The following PANK3 variants were observed in gnomAD, a reference collection of about 807,000 sequenced individuals.
The protein encoded by PANK3 is pantothenate kinase 3.
In PANK3, 20 loss-of-function variants were observed where a neutral mutation model predicts 39.4. That is an observed-to-expected ratio of 0.51 (90% CI 0.36 to 0.74). PANK3 has a LOEUF of 0.74. PANK3 is among the 30% of genes least tolerant of loss of function. The pLI is 0.00. For missense variants in PANK3, 265 were observed against 437.0 expected, an observed-to-expected ratio of 0.61 and a Z score of 3.51; for synonymous variants, 140 against 157.3, an observed-to-expected ratio of 0.89 and a Z score of 0.82.
chr5:168,568,670 G>A lies in PANK3; in HGVS notation c.357C>T (p.Tyr119=), dbSNP rs1759573196. Residue 119 remains tyrosine, a synonymous_variant, in exon 2 of 7, where the codon TAC becomes TAT. Coordinates refer to ENST00000239231, the MANE Select transcript of PANK3 (RefSeq NM_024594.4). ...TVLCATGGGA[Y]KFEKDFRTIG... ...CTGTGCGAAAATCTTTTTCAAACTT[G>A]TAAGCACCACCTCCTGTAGCACATA... 6.2e-7 allele frequency: 1 copy of A among 1,608,228 alleles called. No individual in the cohort carries two copies.
intron 6 of PANK3, among the ~76,000 whole-genome samples, chr5:168,557,854 C>T (rs1405147159): frequency 6.6e-6 from 1 of 152,114 alleles, no homozygotes; most frequent in East Asian, 1.9e-4. Context: ...GAGACATGGT[C>T]TCACTATTTT....
intron 4 of PANK3, among the ~76,000 whole-genome samples, chr5:168,563,574 G>GTA (rs10640361): frequency 0.039 from 5,910 of 151,746 alleles, 380 homozygotes; most frequent in African/African-American, 0.14. Context: ...ATACTTTAGA[G>GTA]TATATATAGT....
chr5:168,567,879 A>G (rs759932850), intron 2 of PANK3, among the ~76,000 whole-genome samples: 13 of 152,146 alleles, frequency 8.5e-5, no homozygotes, highest in Non-Finnish European at 2.9e-5. Context: ...GTCAGCCTTT[A>G]TATTCCATTA....
intron 1 of PANK3, among the ~76,000 whole-genome samples, chr5:168,573,003 C>T (rs538856838): frequency 3.3e-5 from 5 of 151,962 alleles, no homozygotes; most frequent in East Asian, 1.9e-4. Context: ...GGCCTGGATA[C>T]GGTTTTGGAT....
At chr5:168,562,726 C>CA (rs1759466079) in intron 4 of PANK3, among the ~76,000 whole-genome samples, 1 of 152,156 alleles carries the variant, frequency 6.6e-6, no homozygotes, top group Non-Finnish European at 1.5e-5. Flanking sequence ...CTAAGTTCTT[C>CA]AACAGCAAGA....
At chr5:168,557,718 T>C in intron 6 of PANK3, 97 bp from the exon 7 acceptor site, 1 of 964,686 alleles carries the variant, frequency 1.0e-6, no homozygotes, top group South Asian at 1.9e-5. Context: ...AATCTATTTG[T>C]TTAATAATAT....
In PANK3 at chr5:168,553,303, G is replaced by T; in HGVS notation, c.*4268C>A. ...AGGCGAGATCTCTCCAATGTACATG[G>T]GCACAAAACTTGTGCAGAGTCCGCA... On this transcript the variant is annotated 3_prime_UTR_variant, in exon 7 of 7. Transcript: ENST00000239231. 1 of 530,520 alleles carries T rather than the reference G, an allele frequency of 1.9e-6. No homozygotes were observed. The highest frequency in any genetic ancestry group is 3.8e-6 in the Non-Finnish European group (1 of 265,858). 32.9% of individuals were successfully genotyped at this position (530,520 alleles called of 1,614,324 possible). A position where few individuals can be genotyped will look rare whatever the true frequency, so the allele number is the denominator to read the frequency against.
At position 168,550,360 on chromosome 5, in the gene PANK3, T is replaced by A. The variant is rs1011413764; in HGVS notation, c.*7211A>T. On this transcript the variant is annotated 3_prime_UTR_variant, in exon 7 of 7. Coordinates refer to ENST00000239231, the MANE Select transcript of PANK3 (RefSeq NM_024594.4). ...TACGGTATTTTCAATTTACAATGGG[T>A]CTACTGGAACATAACCCTATTGTAA... 2.6e-5 allele frequency: 4 copies of A among 152,178 alleles called. No homozygotes were observed. Among genetic ancestry groups the A allele is most frequent in the African/African-American group, 9.7e-5 (4 of 41,442 alleles). The allele number at this position is 152,178 out of a possible 1,614,324, so 9.4% of individuals were successfully genotyped here. A position where few individuals can be genotyped will look rare whatever the true frequency, so the allele number is the denominator to read the frequency against.
In PANK3 at chr5:168,566,098, G is replaced by A; in HGVS notation, c.550C>T (p.Pro184Ser). ...GAGCCAATGTTCACTACAAGCAGTG[G>A]ATAGGGATCATCCAGGTTAAAAGGC... ...KMPFNLDDPY[P>S]LLVVNIGSGV... Residue 184 changes from proline to serine, a missense_variant, in exon 3 of 7, where the codon CCA (proline) becomes TCA (serine). Transcript: ENST00000239231. 6.2e-7 allele frequency: 1 copy of A among 1,613,828 alleles called. No individual in the cohort carries two copies.
Position 168,556,602 on chromosome 5 carries a change from C to A in PANK3, c.*969G>T, listed in dbSNP as rs1759353908. 1 of 152,586 alleles carries A rather than the reference C, an allele frequency of 6.6e-6. No homozygotes were observed. Among genetic ancestry groups the A allele is most frequent in the Non-Finnish European group, 1.5e-5 (1 of 68,046 alleles). 9.5% of individuals were successfully genotyped at this position (152,586 alleles called of 1,614,324 possible). A position where few individuals can be genotyped will look rare whatever the true frequency, so the allele number is the denominator to read the frequency against. ...AAAAAGTGACCGTCCTCTAACTGCA[C>A]CTCTATTTCTGGCTCCTCAAACAGC... On this transcript the variant is annotated 3_prime_UTR_variant, in exon 7 of 7. Transcript: ENST00000239231.
In PANK3 at chr5:168,557,725, A is replaced by G. The variant is rs1759371938; in HGVS notation, c.1063-104T>C. 8 of 935,598 alleles carry G rather than the reference A, an allele frequency of 8.6e-6. 1 individual carries two copies. Among genetic ancestry groups the G allele is most frequent in the South Asian group, 7.8e-5 (4 of 51,146 alleles). The allele number at this position is 935,598 out of a possible 1,614,324, so 58.0% of individuals were successfully genotyped here. ...CTATGCACAATCTATTTGTTTAATA[A>G]TATTTGGAAACCTACCAATTTCTGC... On this transcript the variant is annotated intron_variant, in intron 6 of 6. Coordinates refer to ENST00000239231, the MANE Select transcript of PANK3 (RefSeq NM_024594.4).
rs555163787 is a variant in PANK3 at position 168,555,163 on chromosome 5, C to T, written c.*2408G>A. On this transcript the variant is annotated 3_prime_UTR_variant, in exon 7 of 7. Transcript: ENST00000239231. ...ATTCCTCAAAGCTCTATGTTCTTAA[C>T]GGTGCTGTCTTAATAGAAATAAAAT... 1.1e-4 allele frequency: 17 copies of T among 152,292 alleles called. No individual in the cohort carries two copies. Among genetic ancestry groups the T allele is most frequent in the African/African-American group, 3.4e-4 (14 of 41,560 alleles). 9.4% of individuals were successfully genotyped at this position (152,292 alleles called of 1,614,324 possible).
In PANK3 at chr5:168,552,751, C is replaced by T. The variant is rs1018259513; in HGVS notation, c.*4820G>A. On this transcript the variant is annotated 3_prime_UTR_variant, in exon 7 of 7. Transcript: ENST00000239231. ...CTATCATATGTAAAGTCCTTCCTGC[C>T]CTTTCAACCACAAACAGAGAGACTA... 2 of 173,688 alleles carry T rather than the reference C, an allele frequency of 1.2e-5. No homozygotes were observed. Among genetic ancestry groups the T allele is most frequent in the African/African-American group, 4.8e-5 (2 of 41,912 alleles). 10.8% of individuals were successfully genotyped at this position (173,688 alleles called of 1,614,324 possible).
intron 6 of PANK3, among the ~76,000 whole-genome samples, chr5:168,557,996 C>G (rs1463490871): frequency 1.3e-5 from 2 of 152,082 alleles, no homozygotes; most frequent in African/African-American, 4.8e-5. Flanking sequence ...GCTTCCAGGA[C>G]TGTAACAGCA....
chr5:168,558,081 G>A (rs1759379472), intron 6 of PANK3, among the ~76,000 whole-genome samples: 2 of 151,374 alleles, frequency 1.3e-5, no homozygotes, highest in Admixed American at 1.3e-4. Context: ...CTCACTGCAT[G>A]CCATGTGGAA....
Position 168,566,173 on chromosome 5 carries a change from C to T in PANK3, c.475G>A (p.Glu159Lys). ...GAGGCATTAGCAAAATAATAGCACT[C>T]GGCTTGTCCATTGAAACTGACAGAG... ...IDSVSFNGQA[E>K]CYYFANASEP... is the part of the protein sequence containing the mutation. Residue 159 changes from glutamate (E) to lysine (K), a missense_variant, in exon 3 of 7, where the codon GAG becomes AAG. Transcript: ENST00000239231. 4 of 1,613,984 alleles carry T rather than the reference C, an allele frequency of 2.5e-6. No individual in the cohort carries two copies. The highest frequency in any genetic ancestry group is 3.4e-6 in the Non-Finnish European group (4 of 1,180,006).
intron 1 of PANK3, among the ~76,000 whole-genome samples, chr5:168,574,262 T>C (rs1340746560): frequency 6.6e-6 from 1 of 151,442 alleles, no homozygotes; most frequent in Non-Finnish European, 1.5e-5. Context: ...ATTTCTCTGA[T>C]GGCCAGTGAT....
chr5:168,575,163 G>T (rs1417512934), intron 1 of PANK3, among the ~76,000 whole-genome samples: 3 of 152,148 alleles, frequency 2.0e-5, no homozygotes, highest in Non-Finnish European at 4.4e-5. Context: ...AATCTCTCAT[G>T]ACCTGTTCAT....
At chr5:168,562,440 G>C (rs1208889332) in intron 4 of PANK3, among the ~76,000 whole-genome samples, 4 of 152,118 alleles carry the variant, frequency 2.6e-5, no homozygotes, top group Non-Finnish European at 4.4e-5. Flanking sequence ...AAGATGTTTG[G>C]TCGGAGTGAA....
Sources: allele counts gnomAD v4.1 joint callset (sites outside exome capture counted in the v4.1 genomes callset), GRCh38; gene constraint gnomAD v4.1.1; transcripts MANE v1.5; gene names NCBI Gene and HGNC (gene_info 2026-07-23, HGNC 2026-07-21).